Variants in ST18 observed in about 807,000 individuals in gnomAD.
ST18 encodes the protein ST18 C2H2C-type zinc finger transcription factor.
Under a neutral mutation model 110.0 loss-of-function variants are expected in ST18, and 50 were observed. The ratio of observed to expected loss-of-function variants is 0.45; its 90% confidence interval spans 0.36 to 0.58. The LOEUF (loss-of-function observed/expected upper bound fraction) is 0.58. Ranked by LOEUF, ST18 falls within the 20% of genes least tolerant of loss-of-function variation. ST18 has a pLI of 0.00. For missense variants in ST18, 1,306 were observed against 1,280.1 expected (o/e 1.02, Z -0.31); for synonymous variants, 461 against 452.4 (o/e 1.02, Z -0.24).
intron 2 of ST18, among the ~76,000 whole-genome samples, chr8:52,371,477 T>C (rs1830254344): frequency 6.6e-6 from 1 of 152,194 alleles, no homozygotes; most frequent in South Asian, 2.1e-4. Flanking sequence ...ATCATGCATA[T>C]TGTGTATGAT....
chr8:52,300,311 C>T (rs946762446), intron 2 of ST18, among the ~76,000 whole-genome samples: 2 of 152,044 alleles, frequency 1.3e-5, no homozygotes, highest in Non-Finnish European at 2.9e-5. Context: ...TACTCGAACA[C>T]TCATGGAACA....
chr8:52,332,739 T>G (rs1031981130), intron 2 of ST18, among the ~76,000 whole-genome samples: 2 of 151,964 alleles, frequency 1.3e-5, no homozygotes, highest in African/African-American at 4.8e-5. Context: ...TAATCCCAGC[T>G]ACTCAGGAGG....
chr8:52,364,750 T>C (rs1007546388), intron 2 of ST18, among the ~76,000 whole-genome samples: 1 of 152,126 alleles, frequency 6.6e-6, no homozygotes, highest in Non-Finnish European at 1.5e-5. Flanking sequence ...GTGTGAAGAA[T>C]TGGTGTCACT....
intron 2 of ST18, among the ~76,000 whole-genome samples, chr8:52,352,651 G>T (rs969091597): frequency 1.3e-5 from 2 of 152,184 alleles, no homozygotes; most frequent in African/African-American, 2.4e-5. Context: ...TCTACTCTCT[G>T]CCAGGCCCCG....
Position 52,130,119 on chromosome 8 carries a change from A to AAAGAAAGAAAG in ST18, c.2666+1838_2666+1839insCTTTCTTTCTT, listed in dbSNP as rs67888949. ...AAAAGAAAGAAAGAAAGAAAGAAAG[A>AAAGAAAGAAAG]AAAGAAAGAAAGAAAGAAAGAAAGA... On this transcript the variant is annotated intron_variant, in intron 22 of 25. Transcript: ENST00000689386. Among the ~76,000 whole-genome samples the AAAGAAAGAAAG allele has an allele frequency of 4.1e-3, 436 of 105,194 alleles. 4 individuals are homozygous for AAAGAAAGAAAG. Among genetic ancestry groups the AAAGAAAGAAAG allele is most frequent in the African/African-American group, 0.014 (346 of 24,294 alleles). The allele number at this position is 105,194 out of a possible 152,430, so 69.0% of individuals were successfully genotyped here.
At chr8:52,287,474 A>T (rs2095488741) in intron 2 of ST18, among the ~76,000 whole-genome samples, 2 of 152,216 alleles carry the variant, frequency 1.3e-5, no homozygotes. Flanking sequence ...CAAGCAAAGA[A>T]ATATAGAATT....
intron 9 of ST18, among the ~76,000 whole-genome samples, chr8:52,178,806 G>T (rs891742807): frequency 6.6e-6 from 1 of 151,562 alleles, no homozygotes; most frequent in Non-Finnish European, 1.5e-5. Flanking sequence ...ATACAGAAAA[G>T]CCAAAGAATT....
rs992972390 is a variant in ST18, at chr8:52,111,644, C to A, written c.*1554G>T. 2 of 152,512 alleles carry A rather than the reference C, an allele frequency of 1.3e-5. No homozygotes were observed. The highest frequency in any genetic ancestry group is 4.8e-5 in the African/African-American group (2 of 41,394). The allele number at this position is 152,512 out of a possible 1,614,324, so 9.4% of individuals were successfully genotyped here. A position where few individuals can be genotyped will look rare whatever the true frequency, so the allele number is the denominator to read the frequency against. On this transcript the variant is annotated 3_prime_UTR_variant, in exon 26 of 26. Coordinates refer to ENST00000689386, the MANE Select transcript of ST18 (RefSeq NM_001352837.2). ...ATGCCATCACTTTCCATCTAAATAT[C>A]CATGAGGTTAATAAAAAATAAACAC...
intron 2 of ST18, among the ~76,000 whole-genome samples, chr8:52,282,104 T>G (rs1329450921): frequency 1.3e-5 from 2 of 152,056 alleles, no homozygotes; most frequent in Non-Finnish European, 2.9e-5. Flanking sequence ...ATTACAAAGA[T>G]ATGATTCCAA....
At chr8:52,142,135 G>GAGGGA (rs2055369196) in intron 17 of ST18, among the ~76,000 whole-genome samples, 1 of 152,144 alleles carries the variant, frequency 6.6e-6, no homozygotes, top group Non-Finnish European at 1.5e-5. Flanking sequence ...AGGGGATGCC[G>GAGGGA]AGGGAAGGGA....
At chr8:52,199,918 C>A (rs895492948) in intron 8 of ST18, among the ~76,000 whole-genome samples, 6 of 152,186 alleles carry the variant, frequency 3.9e-5, no homozygotes, top group Admixed American at 3.3e-4. Context: ...GGTCAAACCC[C>A]CAGCCAGAAG....
intron 2 of ST18, among the ~76,000 whole-genome samples, chr8:52,308,787 C>T (rs1417468162): frequency 2.0e-5 from 3 of 152,218 alleles, no homozygotes; most frequent in Non-Finnish European, 4.4e-5. Context: ...ACTGGAGAGG[C>T]CACCAGCACT....
intron 8 of ST18, among the ~76,000 whole-genome samples, chr8:52,198,304 C>T (rs1316893532): frequency 6.6e-6 from 1 of 152,136 alleles, no homozygotes; most frequent in Non-Finnish European, 1.5e-5. Context: ...TGCGCCCGGC[C>T]GTGGCTGTTT....
intron 10 of ST18, among the ~76,000 whole-genome samples, chr8:52,169,777 G>T (rs1248498977): frequency 6.6e-6 from 1 of 152,124 alleles, no homozygotes; most frequent in Non-Finnish European, 1.5e-5. Flanking sequence ...TTCAATGTGG[G>T]CTTCACCTTC....
At chr8:52,256,601 A>T (rs2094536114) in intron 2 of ST18, among the ~76,000 whole-genome samples, 1 of 152,182 alleles carries the variant, frequency 6.6e-6, no homozygotes, top group South Asian at 2.1e-4. Flanking sequence ...CCCTATACTG[A>T]GCTATCAGCA....
At chr8:52,387,441 A>G (rs189359467) in intron 2 of ST18, among the ~76,000 whole-genome samples, 1 of 152,110 alleles carries the variant, frequency 6.6e-6, no homozygotes, top group Non-Finnish European at 1.5e-5. Context: ...ACTCAAAATC[A>G]TCATTGTCAA....
At chr8:52,237,544 G>A (rs1189473354) in intron 2 of ST18, among the ~76,000 whole-genome samples, 1 of 152,174 alleles carries the variant, frequency 6.6e-6, no homozygotes, top group Non-Finnish European at 1.5e-5. Flanking sequence ...ACTGGGATTG[G>A]ACTCTTGCAC....
chr8:52,166,392 C>T (rs2133445506), intron 11 of ST18, among the ~76,000 whole-genome samples: 1 of 152,314 alleles, frequency 6.6e-6, no homozygotes, highest in Admixed American at 6.5e-5. Context: ...TGTTCTTCTG[C>T]CCTGATTGCT....
At chr8:52,375,395 C>G (rs1416566215) in intron 2 of ST18, among the ~76,000 whole-genome samples, 2 of 152,176 alleles carry the variant, frequency 1.3e-5, no homozygotes, top group Non-Finnish European at 2.9e-5. Flanking sequence ...AAAACCTTGA[C>G]TTACTGAATC....
Sources: allele counts gnomAD v4.1 joint callset (sites outside exome capture counted in the v4.1 genomes callset), GRCh38; gene constraint gnomAD v4.1.1; transcripts MANE v1.5; gene names NCBI Gene and HGNC (gene_info 2026-07-23, HGNC 2026-07-21).